Variants in BCL11A observed in about 807,000 individuals in gnomAD.
The protein encoded by BCL11A is BCL11 transcription factor A.
A neutral mutation model predicts 55.9 loss-of-function variants in BCL11A; 2 were observed. That is an observed-to-expected ratio of 0.04 (90% CI 0.01 to 0.11). The LOEUF (loss-of-function observed/expected upper bound fraction) is 0.11, where lower values mean the gene tolerates loss of function less well. Among genes scored for constraint, BCL11A ranks in the 10% least tolerant of loss-of-function variants. BCL11A has a pLI of 1.00. For missense variants in BCL11A, 817 were observed against 1,137.1 expected, an observed-to-expected ratio of 0.72 and a Z score of 4.05; for synonymous variants, 465 against 473.4, an observed-to-expected ratio of 0.98 and a Z score of 0.23.
chr2:60,490,927 T>C (rs550481275), intron 2 of BCL11A, among the ~76,000 whole-genome samples: 8 of 152,122 alleles, frequency 5.3e-5, no homozygotes, highest in Non-Finnish European at 1.0e-4. Flanking sequence ...TGATATCTAC[T>C]TGAACTTTCA....
downstream of BCL11A, among the ~76,000 whole-genome samples, chr2:60,456,409 T>C (rs1482973928): frequency 1.3e-5 from 2 of 152,198 alleles, no homozygotes; most frequent in East Asian, 1.9e-4. Context: ...AGAAGATAAT[T>C]GAAGGGTATT....
intron 2 of BCL11A, among the ~76,000 whole-genome samples, chr2:60,531,370 G>C (rs1669450435): frequency 6.6e-6 from 1 of 152,154 alleles, no homozygotes; most frequent in Non-Finnish European, 1.5e-5. Context: ...TTTTAAGTGA[G>C]TTTTGTTTTA....
At chr2:60,542,453 G>A (rs1309391965) in intron 2 of BCL11A, 1 of 152,076 alleles carries the variant, frequency 6.6e-6, no homozygotes, top group Non-Finnish European at 1.5e-5. Flanking sequence ...AACCCCTATT[G>A]AAAGCTCTGA....
chr2:60,544,586 A>C (rs374400025), intron 2 of BCL11A: 2 of 152,244 alleles, frequency 1.3e-5, no homozygotes, highest in Non-Finnish European at 2.9e-5. Context: ...TAATGATCAA[A>C]TTCTAGAGGG....
intron 2 of BCL11A, chr2:60,527,061 A>G (rs1573061024): frequency 6.6e-6 from 1 of 152,244 alleles, no homozygotes; most frequent in East Asian, 1.9e-4. Flanking sequence ...TGCTCTCACC[A>G]TTCGATATTT....
chr2:60,510,156 C>T (rs542445073), intron 2 of BCL11A, among the ~76,000 whole-genome samples: 22 of 152,272 alleles, frequency 1.4e-4, no homozygotes, highest in Admixed American at 1.3e-4. Flanking sequence ...TCTCAAAATG[C>T]GGCCCAAGAG....
In BCL11A at chr2:60,460,347, G is replaced by C; in HGVS notation, c.*57C>G. Reference sequence around the variant, plus strand: ...GTGGGGCTGGAGGGCGATGGGGAAGGGGAGTGGTGAAAAAGGGGGTGTCAG... The same window carrying C: ...GTGGGGCTGGAGGGCGATGGGGAAGCGGAGTGGTGAAAAAGGGGGTGTCAG... On this transcript the variant is annotated 3_prime_UTR_variant, in exon 4 of 4. Coordinates refer to ENST00000642384, the MANE Select transcript of BCL11A (RefSeq NM_022893.4). 1 of 1,543,252 alleles carries C rather than the reference G, an allele frequency of 6.5e-7. No individual in the cohort carries two copies. Among genetic ancestry groups the C allele is most frequent in the Non-Finnish European group, 8.8e-7 (1 of 1,139,570 alleles).
At chr2:60,516,367 C>T (rs1348856805) in intron 2 of BCL11A, among the ~76,000 whole-genome samples, 1 of 152,198 alleles carries the variant, frequency 6.6e-6, no homozygotes, top group Non-Finnish European at 1.5e-5. Flanking sequence ...TCTTCCAAAA[C>T]CTTTGTTCTC....
intron 2 of BCL11A, among the ~76,000 whole-genome samples, chr2:60,476,493 C>G (rs2104094301): frequency 6.6e-6 from 1 of 152,352 alleles, no homozygotes; most frequent in Non-Finnish European, 1.5e-5. Context: ...GTCCTCTCCC[C>G]AGCCACCACA....
At chr2:60,496,175 G>A (rs1678937412) in intron 2 of BCL11A, among the ~76,000 whole-genome samples, 1 of 152,198 alleles carries the variant, frequency 6.6e-6, no homozygotes, top group South Asian at 2.1e-4. Context: ...CAGAAAACCA[G>A]AACCGGGAAA....
Position 60,459,327 on chromosome 2 carries a change from T to C in BCL11A, c.*1077A>G, listed in dbSNP as rs777235585. On this transcript the variant is annotated 3_prime_UTR_variant, in exon 4 of 4. Transcript: ENST00000642384. Reference sequence around the variant, plus strand: ...TATCTTCATAAAATGAACTCCTTACTAGTGTATTTAATTGCGTTCCAGGGC... The same window carrying C: ...TATCTTCATAAAATGAACTCCTTACCAGTGTATTTAATTGCGTTCCAGGGC... 5.2e-5 allele frequency: 53 copies of C among 1,016,412 alleles called. No individual in the cohort carries two copies. The highest frequency in any genetic ancestry group is 6.3e-5 in the Non-Finnish European group (53 of 847,120). The allele number at this position is 1,016,412 out of a possible 1,614,324, so 63.0% of individuals were successfully genotyped here.
intron 3 of BCL11A, among the ~76,000 whole-genome samples, chr2:60,467,612 G>A (rs1290197119): frequency 9.1e-5 from 7 of 76,984 alleles, no homozygotes; most frequent in Non-Finnish European, 7.9e-5. Context: ...GGTGGTGGTA[G>A]TGATGGTGGT....
At chr2:60,544,229 C>T (rs1208621145) in intron 2 of BCL11A, 1 of 152,216 alleles carries the variant, frequency 6.6e-6, no homozygotes, top group South Asian at 2.1e-4. Context: ...TGTTACATCA[C>T]GCAAGTGTTA....
At chr2:60,549,830 T>G (rs1294017845) in intron 1 of BCL11A, 1 of 152,264 alleles carries the variant, frequency 6.6e-6, no homozygotes, top group Non-Finnish European at 1.5e-5. Context: ...TGAGATTCAT[T>G]CTGTGTCCAC....
intron 3 of BCL11A, among the ~76,000 whole-genome samples, chr2:60,464,124 T>C (rs1676470223): frequency 6.6e-6 from 1 of 152,210 alleles, no homozygotes; most frequent in Admixed American, 6.5e-5. Context: ...TGTAATTTAC[T>C]TTACAACGCA....
rs377282022 is a variant in BCL11A, at chr2:60,462,067, A to G, written c.845T>C (p.Leu282Pro). 3.1e-6 allele frequency: 5 copies of G among 1,588,400 alleles called. No homozygotes were observed. Among genetic ancestry groups the G allele is most frequent in the African/African-American group, 1.4e-5 (1 of 73,496 alleles). ...GGCCAGGGCCATCTCTTCCGCCCCCAGGCGCTCTATGCGGTGGGGGTCCAA... is the reference window on the plus strand; with the variant it reads ...GGCCAGGGCCATCTCTTCCGCCCCCGGGCGCTCTATGCGGTGGGGGTCCAA... ...HHLDPHRIER[L>P]GAEEMALATH... Residue 282 changes from leucine (L) to proline (P), a missense_variant, in exon 4 of 4, where the codon CTG becomes CCG. This residue lies in a region of BCL11A where 363 missense variants were observed against 486.6 expected (regional missense o/e 0.75). Transcript: ENST00000642384.
chr2:60,484,670 G>A (rs1200453177), intron 2 of BCL11A, among the ~76,000 whole-genome samples: 1 of 151,930 alleles, frequency 6.6e-6, no homozygotes, highest in Non-Finnish European at 1.5e-5. Context: ...TTTCTTAAGA[G>A]AAGGGGGAAT....
intron 2 of BCL11A, chr2:60,524,475 T>G (rs906646143): frequency 3.9e-5 from 6 of 152,114 alleles, no homozygotes; most frequent in Non-Finnish European, 8.8e-5. Flanking sequence ...GTTTTTGTTT[T>G]TTTTTCTTTT....
intron 1 of BCL11A, among the ~76,000 whole-genome samples, chr2:60,547,383 C>CT (rs537653391): frequency 1.4e-4 from 21 of 146,828 alleles, no homozygotes; most frequent in South Asian, 2.2e-4. Context: ...TTCCTGTTTG[C>CT]TTTTTTTTTT....
Sources: allele counts gnomAD v4.1 joint callset (sites outside exome capture counted in the v4.1 genomes callset), GRCh38; gene constraint gnomAD v4.1.1; regional missense constraint gnomAD v4.1.1; transcripts MANE v1.5; gene names NCBI Gene and HGNC (gene_info 2026-07-23, HGNC 2026-07-21).